Variants in NARS2 observed in about 807,000 individuals in gnomAD.
The protein encoded by NARS2 is asparaginyl-tRNA synthetase.
In NARS2, 60 loss-of-function variants were observed where a neutral mutation model predicts 62.9. The observed-to-expected ratio is 0.95, with a 90% CI of 0.77 to 1.18. NARS2 has a LOEUF of 1.18. Ranked by LOEUF, NARS2 falls within the 50% of genes most tolerant of loss-of-function variation. NARS2 has a pLI of 0.00. For missense variants in NARS2, 619 were observed against 576.4 expected (o/e 1.07, Z -0.76); for synonymous variants, 196 against 200.0 (o/e 0.98, Z 0.17).
At chr11:78,544,029 A>AAAAC (rs1555037792) in intron 5 of NARS2, among the ~76,000 whole-genome samples, 3 of 151,144 alleles carry the variant, frequency 2.0e-5, no homozygotes, top group African/African-American at 4.9e-5. Flanking sequence ...AAAAAAAAAA[A>AAAAC]AAAAAAAAAA....
intron 3 of NARS2, among the ~76,000 whole-genome samples, chr11:78,567,761 C>T (rs534471679): frequency 5.1e-4 from 77 of 152,286 alleles, no homozygotes; most frequent in Middle Eastern, 3.4e-3. Context: ...AAAGAATACA[C>T]AATGAATTAA....
intron 11 of NARS2, among the ~76,000 whole-genome samples, chr11:78,449,490 AT>A (rs1335989351): frequency 1.3e-5 from 2 of 151,178 alleles, no homozygotes; most frequent in East Asian, 1.9e-4. Context: ...AAAAAAAAAA[AT>A]TTTTTTTTCT....
intron 6 of NARS2, among the ~76,000 whole-genome samples, chr11:78,528,402 A>G (rs1229606516): frequency 2.0e-5 from 3 of 152,210 alleles, no homozygotes; most frequent in Non-Finnish European, 4.4e-5. Context: ...GACTTAAAAG[A>G]TGTAATTTGC....
At chr11:78,570,402 G>C (rs769867278) in intron 2 of NARS2, among the ~76,000 whole-genome samples, 78 of 152,212 alleles carry the variant, frequency 5.1e-4, no homozygotes, top group Non-Finnish European at 9.9e-4. Flanking sequence ...TGGTTTGGGG[G>C]GTTTTTTGGA....
chr11:78,510,306 G>C (rs1278490090), intron 6 of NARS2, among the ~76,000 whole-genome samples: 1 of 152,090 alleles, frequency 6.6e-6, no homozygotes, highest in Non-Finnish European at 1.5e-5. Context: ...ATGCAAATAG[G>C]AGACAAAAGA....
At chr11:78,531,447 G>C (rs1373339537) in intron 5 of NARS2, among the ~76,000 whole-genome samples, 1 of 152,104 alleles carries the variant, frequency 6.6e-6, no homozygotes, top group African/African-American at 2.4e-5. Context: ...AAAAAAGTTT[G>C]GTGGTTCCTT....
chr11:78,539,170 T>C (rs1378269501), intron 5 of NARS2, among the ~76,000 whole-genome samples: 4 of 152,052 alleles, frequency 2.6e-5, no homozygotes, highest in South Asian at 4.2e-4. Flanking sequence ...AAAATTCTTC[T>C]AGTGTCTTAG....
chr11:78,477,078 G>A (rs896656864), intron 9 of NARS2, among the ~76,000 whole-genome samples: 2 of 152,136 alleles, frequency 1.3e-5, no homozygotes, highest in African/African-American at 4.8e-5. Context: ...TCAACAAATG[G>A]TGAATATTAT....
At chr11:78,554,853 G>C (rs1393896477) in intron 5 of NARS2, among the ~76,000 whole-genome samples, 1 of 152,210 alleles carries the variant, frequency 6.6e-6, no homozygotes, top group African/African-American at 2.4e-5. Context: ...TGGTTTCCAA[G>C]GGGAATGCTT....
At chr11:78,538,404 A>G (rs1008693337) in intron 5 of NARS2, among the ~76,000 whole-genome samples, 3 of 152,202 alleles carry the variant, frequency 2.0e-5, no homozygotes, top group African/African-American at 7.2e-5. Context: ...GCTCTCAAAG[A>G]GCTTACATTC....
At position 78,465,944 on chromosome 11, in the gene NARS2, C is replaced by T. The variant is rs765813020; in HGVS notation, c.1096G>A (p.Val366Ile). 5.8e-5 allele frequency: 94 copies of T among 1,613,852 alleles called. No homozygotes were observed. Among genetic ancestry groups the T allele is most frequent in the Non-Finnish European group, 6.9e-5 (82 of 1,179,936 alleles). ...TTGAGTGTTAATGGATAATTAATAA[C>T]GAAGACAGGTATGTTGCCACAGTGC... ...VKHCGNIPVFVINYPLTLKPF... is the reference protein window; with the variant it reads ...VKHCGNIPVFIINYPLTLKPF... The change falls in exon 11 of 14, where the codon GTT becomes ATT. Residue 366 changes from valine to isoleucine, a missense_variant. Val to Ile is a conservative substitution (Grantham distance 29). Transcript: ENST00000281038.
At chr11:78,476,532 C>T (rs116308825) in intron 9 of NARS2, among the ~76,000 whole-genome samples, 19 of 152,188 alleles carry the variant, frequency 1.2e-4, no homozygotes, top group Non-Finnish European at 2.4e-4. Context: ...GGTCCATCTG[C>T]GTGTCTCAAT....
chr11:78,436,996 G>A (rs1857430313), intron 13 of NARS2, among the ~76,000 whole-genome samples, 182 bp from the exon 14 acceptor site: 1 of 152,162 alleles, frequency 6.6e-6, no homozygotes, highest in Non-Finnish European at 1.5e-5. Flanking sequence ...ATCTATCCAA[G>A]GTTACCCAGA....
chr11:78,530,595 T>C (rs6592786), intron 5 of NARS2, among the ~76,000 whole-genome samples: 98,351 of 152,080 alleles, frequency 0.65, 35,120 homozygotes, highest in Non-Finnish European at 0.81. Context: ...TGCCTCAGCC[T>C]GCCAGTAGCT....
intron 13 of NARS2, among the ~76,000 whole-genome samples, chr11:78,437,328 T>C (rs1356397297): frequency 6.6e-6 from 1 of 152,200 alleles, no homozygotes; most frequent in Non-Finnish European, 1.5e-5. Flanking sequence ...TTCAACTTTT[T>C]ATCACCAGGG....
intron 1 of NARS2, 90 bp downstream of exon 1, chr11:78,574,258 T>C (rs1263124958): frequency 1.2e-5 from 19 of 1,552,300 alleles, no homozygotes; most frequent in Non-Finnish European, 1.7e-5. Context: ...GGCGGTTGTG[T>C]CTGACCCGAC....
intron 11 of NARS2, among the ~76,000 whole-genome samples, chr11:78,453,516 A>C (rs567127411): frequency 1.3e-5 from 2 of 152,280 alleles, no homozygotes; most frequent in East Asian, 3.9e-4. Context: ...GTCCACGCTA[A>C]AGCTGAAAGA....
chr11:78,509,273 C>T (rs1860625005), intron 6 of NARS2, among the ~76,000 whole-genome samples: 1 of 152,012 alleles, frequency 6.6e-6, no homozygotes, highest in Non-Finnish European at 1.5e-5. Context: ...GTAAGACATT[C>T]CTACTTAAAC....
At chr11:78,534,335 T>C in intron 5 of NARS2, among the ~76,000 whole-genome samples, 1 of 152,234 alleles carries the variant, frequency 6.6e-6, no homozygotes, top group Non-Finnish European at 1.5e-5. Context: ...TACATAGTGG[T>C]ACTGACTGGC....
Sources: allele counts gnomAD v4.1 joint callset (sites outside exome capture counted in the v4.1 genomes callset), GRCh38; gene constraint gnomAD v4.1.1; transcripts MANE v1.5; gene names NCBI Gene and HGNC (gene_info 2026-07-23, HGNC 2026-07-21).